The following AGPS variants were observed in gnomAD, a reference collection of about 807,000 sequenced individuals.
The protein encoded by AGPS is alkyldihydroxyacetonephosphate synthase, peroxisomal.
A neutral mutation model predicts 90.7 loss-of-function variants in AGPS; 26 were observed. The ratio of observed to expected loss-of-function variants is 0.29; its 90% confidence interval spans 0.21 to 0.40. AGPS has a LOEUF of 0.40. AGPS is among the 10% of genes least tolerant of loss of function. The pLI, the probability that AGPS is intolerant of heterozygous loss-of-function variation, is 1.00. For synonymous variants in AGPS, 294 were observed against 285.3 expected, an observed-to-expected ratio of 1.03 and a Z score of -0.31; for missense variants, 540 against 816.1, an observed-to-expected ratio of 0.66 and a Z score of 4.12.
At chr2:177,425,514 A>T (rs4893947) in intron 2 of AGPS, among the ~76,000 whole-genome samples, 1 of 151,586 alleles carries the variant, frequency 6.6e-6, no homozygotes, top group African/African-American at 2.4e-5. Context: ...CCAGCTACTC[A>T]TGAGGCTGAG....
At chr2:177,515,879 C>G (rs1438308998) in intron 17 of AGPS, among the ~76,000 whole-genome samples, 1 of 152,096 alleles carries the variant, frequency 6.6e-6, no homozygotes, top group Non-Finnish European at 1.5e-5. Context: ...GTTCTTATGG[C>G]TCATACTTGA....
At chr2:177,403,906 G>A (rs1288587240) in intron 1 of AGPS, among the ~76,000 whole-genome samples, 1 of 152,144 alleles carries the variant, frequency 6.6e-6, no homozygotes, top group African/African-American at 2.4e-5. Context: ...TATAGAGAAT[G>A]CTGTGGTAAG....
rs1205565945 is a variant in AGPS at position 177,427,074 on chromosome 2, G to A, written c.350+6716G>A. ...CTATTCAGGGATTCAGGTTCTTCCT[G>A]GTTCAATCTTGGGAGGGTGTATATG... is the stretch of plus-strand genomic sequence containing the variant. On this transcript the variant is annotated intron_variant, in intron 2 of 19. Coordinates refer to ENST00000264167, the MANE Select transcript of AGPS (RefSeq NM_003659.4). Among the ~76,000 whole-genome samples, 4 of 152,054 alleles carry A rather than the reference G, an allele frequency of 2.6e-5. No individual in the cohort carries two copies. In the East Asian group the frequency reaches 7.7e-4, roughly 29 times the overall value.
intron 10 of AGPS, among the ~76,000 whole-genome samples, chr2:177,470,726 G>GA (rs77580807): frequency 8.3e-4 from 92 of 111,304 alleles, no homozygotes; most frequent in African/African-American, 1.4e-3. Context: ...AAAAAAAAAA[G>GA]AAAAAAAAAA....
chr2:177,512,041 A>T (rs962240302), intron 16 of AGPS, among the ~76,000 whole-genome samples: 1 of 152,172 alleles, frequency 6.6e-6, no homozygotes, highest in African/African-American at 2.4e-5. Context: ...TTTTTTTTAG[A>T]CTACTTAGCT....
chr2:177,425,035 A>T (rs540659775), intron 2 of AGPS, among the ~76,000 whole-genome samples: 4 of 151,756 alleles, frequency 2.6e-5, no homozygotes, highest in Admixed American at 1.3e-4. Flanking sequence ...TTGTCTGTTC[A>T]CTCTGATGAT....
At position 177,503,479 on chromosome 2, in the gene AGPS, C is replaced by T. The variant is rs552575273; in HGVS notation, c.1476-2027C>T. ...TTCCTCTTTCATTAGTCTTTCCAGT[C>T]CTTCCTCATGAGACAGCTTTAAATT... On this transcript the variant is annotated intron_variant, in intron 14 of 19. Transcript: ENST00000264167. Among the ~76,000 whole-genome samples, 16 of 152,274 alleles carry T rather than the reference C, an allele frequency of 1.1e-4. No individual in the cohort carries two copies. The South Asian group carries it at 3.3e-3, about 32-fold the overall frequency.
In AGPS at chr2:177,524,540, T is replaced by C. The variant is rs189535998; in HGVS notation, c.1855+735T>C. Among the ~76,000 whole-genome samples the C allele has an allele frequency of 2.6e-5, 4 of 152,288 alleles. No homozygotes were observed. In the East Asian group the frequency reaches 7.7e-4, roughly 29 times the overall value. Reference sequence around the variant, plus strand: ...CAATATAATTTGATGCCTAGGAAAATAGAAATGTGTAGATTTTTAAATAGT... The same window carrying C: ...CAATATAATTTGATGCCTAGGAAAACAGAAATGTGTAGATTTTTAAATAGT... On this transcript the variant is annotated intron_variant, in intron 19 of 19. Coordinates refer to ENST00000264167, the MANE Select transcript of AGPS (RefSeq NM_003659.4).
chr2:177,463,923 CATTTT>C (rs1179638140), intron 9 of AGPS, among the ~76,000 whole-genome samples: 3 of 151,974 alleles, frequency 2.0e-5, no homozygotes, highest in African/African-American at 4.8e-5. Flanking sequence ...TTACTTAGTG[CATTTT>C]ATTTTATTTT....
chr2:177,442,274 A>G (rs574670253), intron 6 of AGPS, 133 bp from the exon 7 acceptor site: 31 of 715,364 alleles, frequency 4.3e-5, no homozygotes, highest in African/African-American at 3.7e-4. Context: ...TGCAAGTTGT[A>G]TTTTGCAAAG....
At chr2:177,476,259 A>G (rs1415627755) in intron 10 of AGPS, among the ~76,000 whole-genome samples, 1 of 151,964 alleles carries the variant, frequency 6.6e-6, no homozygotes, top group Non-Finnish European at 1.5e-5. Flanking sequence ...AGCTTAAGGT[A>G]GAAGGTTAGG....
intron 1 of AGPS, among the ~76,000 whole-genome samples, chr2:177,412,009 C>T (rs149684701): frequency 5.3e-5 from 8 of 152,038 alleles, no homozygotes; most frequent in Non-Finnish European, 1.0e-4. Context: ...ACATAACGGT[C>T]GAGAGCTGTG....
intron 5 of AGPS, among the ~76,000 whole-genome samples, chr2:177,437,597 T>C (rs1394293553): frequency 6.6e-6 from 1 of 152,166 alleles, no homozygotes; most frequent in Non-Finnish European, 1.5e-5. Context: ...GAGTAGTAGG[T>C]ACTATATTTA....
intron 1 of AGPS, among the ~76,000 whole-genome samples, chr2:177,394,431 A>G (rs1685111039): frequency 6.6e-6 from 1 of 152,248 alleles, no homozygotes; most frequent in African/African-American, 2.4e-5. Flanking sequence ...GTATGTTCAC[A>G]GGTAAAGAAG....
chr2:177,476,477 A>G (rs1255263260), intron 10 of AGPS, among the ~76,000 whole-genome samples: 2 of 151,970 alleles, frequency 1.3e-5, no homozygotes, highest in East Asian at 1.9e-4. Context: ...TAGCTTTCCA[A>G]TTTCTTTCTT....
At chr2:177,464,231 G>A (rs916751182) in intron 9 of AGPS, among the ~76,000 whole-genome samples, 2 of 152,072 alleles carry the variant, frequency 1.3e-5, no homozygotes, top group Middle Eastern at 3.2e-3. Context: ...ATGAGCCACC[G>A]TGCCCAGCCA....
chr2:177,523,602 C>A, intron 18 of AGPS, 146 bp from the exon 19 acceptor site: 1 of 695,724 alleles, frequency 1.4e-6, no homozygotes, highest in Admixed American at 2.6e-5. Context: ...TTTTTAAACA[C>A]ATTTGACCAA....
chr2:177,490,871 T>TTA (rs1553516095), intron 11 of AGPS, among the ~76,000 whole-genome samples: 158 of 135,082 alleles, frequency 1.2e-3, no homozygotes, highest in African/African-American at 4.1e-3. Context: ...TTTTTTTTTT[T>TTA]AAAGACAGAG....
At chr2:177,439,376 A>G (rs1686525440) in intron 5 of AGPS, among the ~76,000 whole-genome samples, 1 of 152,182 alleles carries the variant, frequency 6.6e-6, no homozygotes, top group Non-Finnish European at 1.5e-5. Flanking sequence ...ATGGGGGTGC[A>G]GTTTCAGATA....
Sources: allele counts gnomAD v4.1 joint callset (sites outside exome capture counted in the v4.1 genomes callset), GRCh38; gene constraint gnomAD v4.1.1; transcripts MANE v1.5; gene names NCBI Gene and HGNC (gene_info 2026-07-23, HGNC 2026-07-21).